The following GNAL variants were observed in gnomAD, a reference collection of about 807,000 sequenced individuals.
GNAL encodes the protein guanine nucleotide-binding protein G(olf) subunit alpha.
GNAL carries 18 observed loss-of-function variants against 55.1 expected under a neutral mutation model. The ratio of observed to expected loss-of-function variants is 0.33; its 90% CI spans 0.23 to 0.48. The LOEUF is 0.48. GNAL is among the 20% of genes least tolerant of loss of function. GNAL has a pLI of 0.99. For synonymous variants in GNAL, 253 were observed against 237.0 expected, an observed-to-expected ratio of 1.07 and a Z score of -0.62; for missense variants, 412 against 614.1, an observed-to-expected ratio of 0.67 and a Z score of 3.48.
At chr18:11,701,746 A>G (rs1383683325) in intron 1 of GNAL, among the ~76,000 whole-genome samples, 1 of 152,066 alleles carries the variant, frequency 6.6e-6, no homozygotes, top group Non-Finnish European at 1.5e-5. Context: ...TGGAGTGTTT[A>G]CCTAATAGAA....
chr18:11,854,364 A>T (rs917387487), intron 5 of GNAL: 1 of 167,142 alleles, frequency 6.0e-6, no homozygotes, highest in African/African-American at 2.4e-5. Flanking sequence ...CTACAGGCCC[A>T]TGAATTACTT....
intron 7 of GNAL, among the ~76,000 whole-genome samples, chr18:11,865,949 C>T (rs368070248): frequency 6.7e-6 from 1 of 149,256 alleles, no homozygotes; most frequent in African/African-American, 2.6e-5. Context: ...GCAAGAGTTT[C>T]ATGATCTCCA....
chr18:11,823,805 T>C (rs116522929), intron 4 of GNAL, among the ~76,000 whole-genome samples: 105,667 of 151,822 alleles, frequency 0.7, 38,368 homozygotes, highest in Admixed American at 0.82. Context: ...GGCGTGAATT[T>C]CCCACAAAGT....
intron 4 of GNAL, among the ~76,000 whole-genome samples, chr18:11,765,469 A>G (rs1393090423): frequency 1.3e-5 from 2 of 152,232 alleles, no homozygotes; most frequent in African/African-American, 2.4e-5. Context: ...TAAATTATTA[A>G]GTTACAGTTG....
rs951269380 is a variant in GNAL at position 11,752,344 on chromosome 18, G to A, written c.377-509G>A. On this transcript the variant is annotated intron_variant, in intron 1 of 11. Coordinates refer to ENST00000334049, the MANE Select transcript of GNAL (RefSeq NM_182978.4). The surrounding 1 kb of genome is among the most constrained non-coding windows in gnomAD (Gnocchi z 4.5). ...TCTCTTTCAGCAGCAGGAAAGAGAG[G>A]AGCCGTCGCAGGAGCCGCACACGTC... The A allele has an allele frequency of 3.9e-5, 59 of 1,495,912 alleles. No homozygotes were observed. In the Admixed American group the frequency reaches 8.0e-4, roughly 20 times the overall value. 92.7% of individuals were successfully genotyped at this position (1,495,912 alleles called of 1,614,324 possible). A position where few individuals can be genotyped will look rare whatever the true frequency, so the allele number is the denominator to read the frequency against.
chr18:11,715,460 CA>C (rs34339537), intron 1 of GNAL, among the ~76,000 whole-genome samples: 12,822 of 67,646 alleles, frequency 0.19, 927 homozygotes, highest in African/African-American at 0.35. Context: ...GACTCCATCT[CA>C]AAAAAAAAAA....
intron 1 of GNAL, among the ~76,000 whole-genome samples, chr18:11,692,162 G>C (rs2031269674): frequency 6.6e-6 from 1 of 152,166 alleles, no homozygotes; most frequent in African/African-American, 2.4e-5. Context: ...CATGGGAGAA[G>C]GAGCTATTCC....
chr18:11,848,043 T>G (rs548344381), intron 5 of GNAL, among the ~76,000 whole-genome samples: 1 of 152,148 alleles, frequency 6.6e-6, no homozygotes, highest in African/African-American at 2.4e-5. Flanking sequence ...ATGAGCAGAT[T>G]TGGGGGAAAG....
At chr18:11,716,269 C>T (rs999174846) in intron 1 of GNAL, among the ~76,000 whole-genome samples, 7 of 152,136 alleles carry the variant, frequency 4.6e-5, no homozygotes, top group East Asian at 1.9e-4. Context: ...TTCTTAAAGG[C>T]GGCATGTCCA....
intron 1 of GNAL, among the ~76,000 whole-genome samples, chr18:11,742,706 G>A (rs532774040): frequency 2.0e-5 from 3 of 152,216 alleles, no homozygotes; most frequent in South Asian, 2.1e-4. Flanking sequence ...TTAAATGTGC[G>A]CCTTCCCTCC....
chr18:11,855,432 C>T (rs2035983777), intron 5 of GNAL, among the ~76,000 whole-genome samples: 2 of 152,196 alleles, frequency 1.3e-5, no homozygotes, highest in Admixed American at 6.5e-5. Context: ...CCTTCAAGTG[C>T]ACAATTTCTA....
chr18:11,779,373 G>A lies in GNAL; in HGVS notation c.624+25428G>A, dbSNP rs182402431. Among the ~76,000 whole-genome samples the A allele has an allele frequency of 4.6e-5, 7 of 152,330 alleles. No individual in the cohort carries two copies. In the East Asian group the frequency reaches 1.3e-3, roughly 29 times the overall value. Reference sequence around the variant, plus strand: ...CACATTACATATATGTGGTAATGCAGATTGTGAAGGCAGGATGGAATAGCA... The same window carrying A: ...CACATTACATATATGTGGTAATGCAAATTGTGAAGGCAGGATGGAATAGCA... On this transcript the variant is annotated intron_variant, in intron 4 of 11. Coordinates refer to ENST00000334049, the MANE Select transcript of GNAL (RefSeq NM_182978.4).
chr18:11,806,525 T>G (rs1183445770), intron 4 of GNAL, among the ~76,000 whole-genome samples: 1 of 152,180 alleles, frequency 6.6e-6, no homozygotes, highest in African/African-American at 2.4e-5. Flanking sequence ...TTGTATATAG[T>G]GAGAGATAGG....
At chr18:11,763,939 C>G (rs2033324075) in intron 4 of GNAL, among the ~76,000 whole-genome samples, 1 of 152,148 alleles carries the variant, frequency 6.6e-6, no homozygotes, top group Non-Finnish European at 1.5e-5. Flanking sequence ...TTTGGAGCAA[C>G]AGCAGAGAAG....
chr18:11,842,938 G>T (rs911284498), intron 5 of GNAL, among the ~76,000 whole-genome samples: 1 of 152,176 alleles, frequency 6.6e-6, no homozygotes, highest in African/African-American at 2.4e-5. Context: ...TGACTTTAGG[G>T]TGTTGACTGT....
intron 1 of GNAL, among the ~76,000 whole-genome samples, chr18:11,705,284 T>C (rs960092304): frequency 2.3e-4 from 35 of 152,204 alleles, no homozygotes; most frequent in African/African-American, 8.2e-4. Context: ...CTGCATTCCC[T>C]TCTTTTCTTT....
At chr18:11,880,015 T>G (rs2036627791) in intron 11 of GNAL, among the ~76,000 whole-genome samples, 1 of 151,406 alleles carries the variant, frequency 6.6e-6, no homozygotes, top group African/African-American at 2.4e-5. Context: ...TCCCAGCACT[T>G]TGGGAGGCCG....
intron 4 of GNAL, among the ~76,000 whole-genome samples, chr18:11,805,563 G>T (rs59920321): frequency 0.064 from 9,696 of 152,058 alleles, 454 homozygotes; most frequent in African/African-American, 0.13. Context: ...TCTATGTCCT[G>T]TATACTGATT....
chr18:11,756,847 G>A (rs1299082751), intron 4 of GNAL, among the ~76,000 whole-genome samples: 2 of 152,050 alleles, frequency 1.3e-5, no homozygotes, highest in African/African-American at 4.8e-5. Context: ...GCTAAATCAA[G>A]TATTTTAATA....
Sources: gnomAD v4.1 joint callset for allele counts (sites outside exome capture counted in the v4.1 genomes callset) on GRCh38, gnomAD v4.1.1 for gene constraint, Gnocchi (gnomAD v3.1) non-coding constraint, MANE v1.5 for transcripts, NCBI Gene and HGNC (gene_info 2026-07-23, HGNC 2026-07-21) for gene names.